EPB41L2: variants seen among roughly 807,000 people sequenced by gnomAD.
EPB41L2 encodes the protein band 4.1-like protein 2.
A neutral mutation model predicts 113.0 loss-of-function variants in EPB41L2; 43 were observed. The observed-to-expected ratio is 0.38, with a 90% CI of 0.30 to 0.49. The LOEUF (loss-of-function observed/expected upper bound fraction) is 0.49, where lower values mean the gene tolerates loss of function less well. Ranked by LOEUF, EPB41L2 falls within the 20% of genes least tolerant of loss-of-function variation. The probability of loss-of-function intolerance (pLI) is 0.95; values close to 1 mark genes in which losing one functional copy is unlikely to be tolerated. For missense variants in EPB41L2, 1,147 were observed against 1,223.4 expected, an observed-to-expected ratio of 0.94 and a Z score of 0.93; for synonymous variants, 442 against 436.7, an observed-to-expected ratio of 1.01 and a Z score of -0.15.
intron 14 of EPB41L2, among the ~76,000 whole-genome samples, chr6:130,871,369 G>A (rs1785612249): frequency 1.3e-5 from 2 of 152,068 alleles, no homozygotes; most frequent in Non-Finnish European, 2.9e-5. Flanking sequence ...CTAGAGCCAG[G>A]AGCCCTATTT....
chr6:130,843,199 A>G (rs1310481979), intron 19 of EPB41L2, among the ~76,000 whole-genome samples: 2 of 152,230 alleles, frequency 1.3e-5, no homozygotes, highest in African/African-American at 4.8e-5. Flanking sequence ...TTTGAGCTAG[A>G]AAAGAGAAAA....
intron 1 of EPB41L2, among the ~76,000 whole-genome samples, chr6:130,962,724 A>T (rs1773904620): frequency 6.6e-6 from 1 of 152,216 alleles, no homozygotes; most frequent in South Asian, 2.1e-4. Flanking sequence ...ATCAGGTGAC[A>T]TTCAGATATA....
At chr6:130,917,095 T>G (rs867803738) in intron 4 of EPB41L2, among the ~76,000 whole-genome samples, 58 of 152,212 alleles carry the variant, frequency 3.8e-4, no homozygotes, top group African/African-American at 1.3e-3. Flanking sequence ...GGTCTTTTTA[T>G]TCTACTTGCT....
At chr6:130,904,668 T>TA (rs1797219634) in intron 5 of EPB41L2, 128 bp from the exon 6 acceptor site, 4 of 397,896 alleles carry the variant, frequency 1.0e-5, no homozygotes, top group South Asian at 2.5e-4. Context: ...AGAATTTTTT[T>TA]ATTTAAATAA....
intron 1 of EPB41L2, among the ~76,000 whole-genome samples, chr6:130,960,798 A>G (rs1342742448): frequency 6.6e-6 from 1 of 152,168 alleles, no homozygotes; most frequent in Non-Finnish European, 1.5e-5. Flanking sequence ...AGTTTCTTTC[A>G]TATGTGGATA....
At chr6:131,060,461 G>T (rs1318565160) in intron 1 of EPB41L2, among the ~76,000 whole-genome samples, 1 of 152,352 alleles carries the variant, frequency 6.6e-6, no homozygotes, top group African/African-American at 2.4e-5. Flanking sequence ...TGGTTGGGTA[G>T]TACACGTGGA....
Position 130,981,841 on chromosome 6 carries a change from A to G in EPB41L2, c.-14-25342T>C, listed in dbSNP as rs12525827. On this transcript the variant is annotated intron_variant, in intron 1 of 19. Coordinates refer to ENST00000337057, the MANE Select transcript of EPB41L2 (RefSeq NM_001431.4). ...ATAAATAAAATTTGGAGAAAAAAGTATATGTGGTTTTCATTATGCAAAATC... is the reference window on the plus strand; with the variant it reads ...ATAAATAAAATTTGGAGAAAAAAGTGTATGTGGTTTTCATTATGCAAAATC... Among the ~76,000 whole-genome samples, 484 of 152,332 alleles carry G rather than the reference A, an allele frequency of 3.2e-3. 7 individuals carry two copies. Among genetic ancestry groups the G allele is most frequent in the Admixed American group, 0.028 (429 of 15,304 alleles).
intron 3 of EPB41L2, among the ~76,000 whole-genome samples, chr6:130,939,486 C>T (rs1251512106): frequency 6.6e-6 from 1 of 152,100 alleles, no homozygotes; most frequent in African/African-American, 2.4e-5. Flanking sequence ...AACTCCTGAC[C>T]TCGTGATCCG....
rs1290487136 is a variant in EPB41L2, at chr6:130,991,019, C to T, written c.-14-34520G>A. Among the ~76,000 whole-genome samples the T allele has an allele frequency of 3.3e-5, 5 of 151,808 alleles. 1 individual carries two copies. The highest frequency in any genetic ancestry group is 2.0e-4 in the Admixed American group (3 of 15,224). On this transcript the variant is annotated intron_variant, in intron 1 of 19. Transcript: ENST00000337057. ...TGTTTTTTTGTATTTTTAGTAGAGA[C>T]GGAGTTTCACCATGTTATCCAGGAT...
chr6:130,893,361 G>A (rs1033972653), intron 10 of EPB41L2, among the ~76,000 whole-genome samples: 1 of 152,130 alleles, frequency 6.6e-6, no homozygotes, highest in Admixed American at 6.5e-5. Context: ...GGAGAGAGGA[G>A]CGATGCTTCA....
At chr6:130,881,427 T>C (rs1249994236) in intron 12 of EPB41L2, 6 of 152,134 alleles carry the variant, frequency 3.9e-5, no homozygotes, top group African/African-American at 1.4e-4. Context: ...AACATTTAAT[T>C]CCCTAAAATG....
At chr6:131,005,057 C>T (rs1785161236) in intron 1 of EPB41L2, among the ~76,000 whole-genome samples, 1 of 152,170 alleles carries the variant, frequency 6.6e-6, no homozygotes, top group Non-Finnish European at 1.5e-5. Flanking sequence ...AAGGCAAAAA[C>T]ACACTCAGAC....
intron 1 of EPB41L2, among the ~76,000 whole-genome samples, chr6:131,048,359 G>C (rs1795901807): frequency 6.6e-6 from 1 of 152,004 alleles, no homozygotes; most frequent in Non-Finnish European, 1.5e-5. Context: ...TTTAGCACTG[G>C]TTAAAGCATT....
chr6:130,997,237 G>A (rs1388132763), intron 1 of EPB41L2, among the ~76,000 whole-genome samples: 3 of 152,146 alleles, frequency 2.0e-5, no homozygotes, highest in Non-Finnish European at 1.5e-5. Flanking sequence ...TTTTCCCTCA[G>A]TTCTTCATAC....
chr6:130,902,569 T>C (rs910676052), intron 6 of EPB41L2, among the ~76,000 whole-genome samples: 5 of 152,202 alleles, frequency 3.3e-5, no homozygotes, highest in African/African-American at 1.2e-4. Context: ...CCTTGACCCG[T>C]AGAAAAACAT....
chr6:131,018,602 CCCG>C (rs1788765606), intron 1 of EPB41L2, among the ~76,000 whole-genome samples: 1 of 152,150 alleles, frequency 6.6e-6, no homozygotes, highest in Non-Finnish European at 1.5e-5. Context: ...GTGTCCCCTC[CCCG>C]CCAACTCATC....
intron 1 of EPB41L2, among the ~76,000 whole-genome samples, chr6:131,059,455 T>C (rs1161992637): frequency 6.6e-6 from 1 of 152,228 alleles, no homozygotes; most frequent in Admixed American, 6.5e-5. Flanking sequence ...GGAGGCCATT[T>C]CCCTATAGTT....
At chr6:131,014,827 C>T (rs188421351) in intron 1 of EPB41L2, among the ~76,000 whole-genome samples, 90 of 152,306 alleles carry the variant, frequency 5.9e-4, no homozygotes, top group Non-Finnish European at 8.8e-4. Flanking sequence ...GTAAAATATG[C>T]TCAAATTCAG....
At chr6:130,971,516 A>T (rs193100593) in intron 1 of EPB41L2, among the ~76,000 whole-genome samples, 85 of 152,360 alleles carry the variant, frequency 5.6e-4, no homozygotes, top group African/African-American at 1.9e-3. Flanking sequence ...CACGATAGTC[A>T]GTCTGATCAC....
Sources: allele counts gnomAD v4.1 joint callset (sites outside exome capture counted in the v4.1 genomes callset), GRCh38; gene constraint gnomAD v4.1.1; transcripts MANE v1.5; gene names NCBI Gene and HGNC (gene_info 2026-07-23, HGNC 2026-07-21).